NUMBL: variants seen among roughly 807,000 people sequenced by gnomAD.
NUMBL encodes NUMB like endocytic adaptor protein, also known as numb-like protein.
In NUMBL, 20 loss-of-function variants were observed where a neutral mutation model predicts 48.9. The ratio of observed to expected loss-of-function variants is 0.41; its 90% CI spans 0.29 to 0.59. The LOEUF is 0.59. Ranked by LOEUF, NUMBL falls within the 20% of genes least tolerant of loss-of-function variation. The pLI, the probability that NUMBL is intolerant of heterozygous loss-of-function variation, is 0.31. For synonymous variants in NUMBL, 340 were observed against 348.7 expected (o/e 0.98, Z 0.28); for missense variants, 660 against 846.2 (o/e 0.78, Z 2.73).
intron 6 of NUMBL, among the ~76,000 whole-genome samples, chr19:40,680,292 C>A (rs566786317): frequency 1.3e-5 from 2 of 151,790 alleles, no homozygotes; most frequent in Non-Finnish European, 2.9e-5. Context: ...GGATCACAGG[C>A]GCCTGCCACC....
intron 7 of NUMBL, among the ~76,000 whole-genome samples, chr19:40,677,021 G>A (rs2081879775): frequency 6.6e-6 from 1 of 152,016 alleles, no homozygotes. Context: ...ACCATGTCGC[G>A]CAGGCTGGTC....
intron 5 of NUMBL, 85 bp from the exon 6 acceptor site, chr19:40,681,142 C>G (rs1012053525): frequency 6.7e-7 from 1 of 1,483,076 alleles, no homozygotes; most frequent in African/African-American, 1.4e-5. Flanking sequence ...CTGCTGAAAT[C>G]CAGTCCTGAA....
At chr19:40,670,486 G>A (rs961877382) in intron 8 of NUMBL, among the ~76,000 whole-genome samples, 2 of 151,954 alleles carry the variant, frequency 1.3e-5, no homozygotes, top group African/African-American at 4.9e-5. Flanking sequence ...AACATCATGA[G>A]AGCAGAGATA....
intron 3 of NUMBL, among the ~76,000 whole-genome samples, chr19:40,683,343 GA>G (rs1206846540): frequency 6.6e-6 from 1 of 152,232 alleles, no homozygotes; most frequent in Non-Finnish European, 1.5e-5. Context: ...CACAATGACT[GA>G]AGGGAGTTAG....
rs578231978 is a variant in NUMBL at position 40,673,318 on chromosome 19, C to T, written c.1036+26G>A. The T allele has an allele frequency of 1.2e-5, 19 of 1,580,156 alleles. No homozygotes were observed. Among genetic ancestry groups the T allele is most frequent in the East Asian group, 4.5e-5 (2 of 44,356 alleles). On this transcript the variant is annotated intron_variant, in intron 8 of 9. Transcript: ENST00000252891. This position sits in a 1 kb window ranked among gnomAD's most constrained non-coding sequence, Gnocchi z 5.9. ...AGATAGTGCCAATTGATTCCAACGC[C>T]GTTTCCCACTGGGCCCAGGGCTCAC...
chr19:40,690,503 G>A lies in NUMBL; in HGVS notation c.-20C>T. 7.9e-7 allele frequency: 1 copy of A among 1,267,022 alleles called. No homozygotes were observed. The highest frequency in any genetic ancestry group is 2.8e-5 in the South Asian group (1 of 35,574). The allele number at this position is 1,267,022 out of a possible 1,614,324, so 78.5% of individuals were successfully genotyped here. On this transcript the variant is annotated 5_prime_UTR_variant, in exon 1 of 10. Transcript: ENST00000252891. ...GGACATCCAGGGCCCGGGCGCCCCC[G>A]CCTCCCGCGGCCCTGGCTGGGCCTG...
chr19:40,667,533 T>G lies in NUMBL; in HGVS notation c.1765A>C (p.Thr589Pro), dbSNP rs1046291169. The G allele has an allele frequency of 2.5e-6, 4 of 1,577,346 alleles. No individual in the cohort carries two copies. In the African/African-American group the frequency reaches 4.0e-5, roughly 16 times the overall value. ...AAGGGGTTGGAGGGTTTCTCTACAG[T>G]GGCTTTGCCTTCTAATGCCGCCCAC... ...AQWAALEGKATVEKPSNPFSG... is the reference protein window; with the variant it reads ...AQWAALEGKAPVEKPSNPFSG... The change falls in exon 10 of 10, where the codon ACT (threonine) becomes CCT (proline). Residue 589 changes from threonine (T) to proline (P), a missense_variant. This residue lies in a region of NUMBL where 296 missense variants were observed against 339.7 expected (regional missense o/e 0.87). Coordinates refer to ENST00000252891, the MANE Select transcript of NUMBL (RefSeq NM_004756.5). The surrounding 1 kb of genome is among the most constrained non-coding windows in gnomAD (Gnocchi z 6.1).
intron 3 of NUMBL, among the ~76,000 whole-genome samples, chr19:40,683,843 T>A (rs1568431479): frequency 6.6e-6 from 1 of 150,486 alleles, no homozygotes; most frequent in Non-Finnish European, 1.5e-5. Context: ...ATGGCACAAT[T>A]AAGGCTCACT....
chr19:40,686,918 C>A lies in NUMBL; in HGVS notation c.102G>T (p.Thr34=), dbSNP rs896233988. ...GAPGPPETCR[T]EPDGAGTMNK... is the part of the protein sequence containing the mutation. ...CCCAGGCTGGTCGCTCACCTGGCTC[C>A]GTCCTGCAGGTTTCTGGGGGCCCCG... Residue 34 remains threonine (T), a synonymous_variant, in exon 2 of 10, where the codon ACG becomes ACT. Coordinates refer to ENST00000252891, the MANE Select transcript of NUMBL (RefSeq NM_004756.5). 1.1e-5 allele frequency: 17 copies of A among 1,541,586 alleles called. No individual in the cohort carries two copies. The highest frequency in any genetic ancestry group is 1.5e-5 in the Non-Finnish European group (17 of 1,138,584).
Position 40,673,934 on chromosome 19 carries a change from A to G in NUMBL, c.731-285T>C, listed in dbSNP as rs966037664. Among the ~76,000 whole-genome samples the G allele has an allele frequency of 6.6e-5, 10 of 151,832 alleles. No individual in the cohort carries two copies. Among genetic ancestry groups the G allele is most frequent in the Admixed American group, 6.6e-5 (1 of 15,246 alleles). On this transcript the variant is annotated intron_variant, in intron 7 of 9. Transcript: ENST00000252891. The surrounding 1 kb of genome is among the most constrained non-coding windows in gnomAD (Gnocchi z 5.9). The stretch of plus-strand genomic sequence containing the variant: ...TGCTGCTCTCACCATTCTTCCCTCT[A>G]AGACCCTCTATCTCCCTTTTTGATC...
chr19:40,682,636 A>T lies in NUMBL; in HGVS notation c.399+92T>A. On this transcript the variant is annotated intron_variant, in intron 5 of 9. Coordinates refer to ENST00000252891, the MANE Select transcript of NUMBL (RefSeq NM_004756.5). The surrounding 1 kb of genome is among the most constrained non-coding windows in gnomAD (Gnocchi z 4.0). ...CGTCTAGAAGGTCCCTGAGGGAGGG[A>T]TGTGCAGAGGAGGCGGGAAGGTGTC... 8.8e-7 allele frequency: 1 copy of T among 1,136,616 alleles called. No homozygotes were observed. Among genetic ancestry groups the T allele is most frequent in the Non-Finnish European group, 1.3e-6 (1 of 773,286 alleles). The allele number at this position is 1,136,616 out of a possible 1,614,324, so 70.4% of individuals were successfully genotyped here. A position where few individuals can be genotyped will look rare whatever the true frequency, so the allele number is the denominator to read the frequency against.
Position 40,667,344 on chromosome 19 carries a change from G to A in NUMBL, c.*124C>T, listed in dbSNP as rs1377369935. The A allele has an allele frequency of 7.4e-7, 1 of 1,353,756 alleles. No homozygotes were observed. Among genetic ancestry groups the A allele is most frequent in the African/African-American group, 1.5e-5 (1 of 68,318 alleles). 83.9% of individuals were successfully genotyped at this position (1,353,756 alleles called of 1,614,324 possible). A position where few individuals can be genotyped will look rare whatever the true frequency, so the allele number is the denominator to read the frequency against. On this transcript the variant is annotated 3_prime_UTR_variant, in exon 10 of 10. Transcript: ENST00000252891. This position sits in a 1 kb window ranked among gnomAD's most constrained non-coding sequence, Gnocchi z 6.1. ...TGTAGTGGTTGTCGGGGTGGTTGAG[G>A]GAGGGGGGTGTTGAGAGGGTGTTGA...
At chr19:40,689,251 C>T (rs2081949725) in intron 1 of NUMBL, among the ~76,000 whole-genome samples, 1 of 152,034 alleles carries the variant, frequency 6.6e-6, no homozygotes, top group African/African-American at 2.4e-5. Context: ...AACACAGGGT[C>T]ACAAAAGACA....
chr19:40,683,576 T>G (rs994751755), intron 3 of NUMBL, among the ~76,000 whole-genome samples: 1 of 152,196 alleles, frequency 6.6e-6, no homozygotes, highest in Non-Finnish European at 1.5e-5. Context: ...GGAGGGGCTG[T>G]GACCATGGTC....
rs1438063435 is a variant in NUMBL, at chr19:40,673,161, G to A, written c.1036+183C>T. On this transcript the variant is annotated intron_variant, in intron 8 of 9. Transcript: ENST00000252891. This position sits in a 1 kb window ranked among gnomAD's most constrained non-coding sequence, Gnocchi z 5.9. ...ACACGGCTTATCAATCCTGATTTGT[G>A]CTATCTCTTTCCTCTCCCTTGCCCA... is the stretch of plus-strand genomic sequence containing the variant. Among the ~76,000 whole-genome samples, 1 of 152,084 alleles carries A rather than the reference G, an allele frequency of 6.6e-6. No individual in the cohort carries two copies. The highest frequency in any genetic ancestry group is 1.5e-5 in the Non-Finnish European group (1 of 68,016).
Position 40,682,932 on chromosome 19 carries a change from T to C in NUMBL, c.286A>G (p.Met96Val). The C allele has an allele frequency of 6.2e-7, 1 of 1,609,684 alleles. No individual in the cohort carries two copies. Among genetic ancestry groups the C allele is most frequent in the Non-Finnish European group, 8.5e-7 (1 of 1,178,116 alleles). Residue 96 changes from methionine to valine, a missense_variant, in exon 4 of 10, where the codon ATG becomes GTG. By Grantham distance (21) the Met-to-Val change is conservative. Coordinates refer to ENST00000252891, the MANE Select transcript of NUMBL (RefSeq NM_004756.5). This position sits in a 1 kb window ranked among gnomAD's most constrained non-coding sequence, Gnocchi z 4.0. ...TTCACCGCATCTTCACACACGTGCATTCCCCGGGACTCCTCTACCTCCACG... is the reference window on the plus strand; with the variant it reads ...TTCACCGCATCTTCACACACGTGCACTCCCCGGGACTCCTCTACCTCCACG... Reference protein sequence around the residue: ...GHVEVEESRGMHVCEDAVKKL... With the variant: ...GHVEVEESRGVHVCEDAVKKL...
At chr19:40,677,151 C>T (rs962861781) in intron 7 of NUMBL, 81 bp downstream of exon 7, 8 of 1,426,794 alleles carry the variant, frequency 5.6e-6, no homozygotes, top group African/African-American at 1.4e-5. Context: ...TGAGTCTCTG[C>T]ACCTCTGCAG....
At position 40,677,277 on chromosome 19, in the gene NUMBL, C is replaced by G; in HGVS notation, c.685G>C (p.Gly229Arg). 1.2e-6 allele frequency: 2 copies of G among 1,601,184 alleles called. No homozygotes were observed. The highest frequency in any genetic ancestry group is 1.7e-6 in the Non-Finnish European group (2 of 1,174,630). Residue 229 changes from glycine (G) to arginine (R), a missense_variant, in exon 7 of 10, where the codon GGG becomes CGG. Gly to Arg is a moderately radical substitution (Grantham distance 125). Around this residue, in one of 3 missense-constraint regions of NUMBL, gnomAD observed 278 missense variants for 420.6 expected, o/e 0.66. Transcript: ENST00000252891. ...TCTCGCTCAGCAGGCCGCCCACCCC[C>G]AGACAGGCGGAAGGAGCCCTCGCGG... is the stretch of plus-strand genomic sequence containing the variant. ...FAREGSFRLS[G>R]GGRPAEREAP...
At position 40,673,503 on chromosome 19, in the gene NUMBL, G is replaced by A; in HGVS notation, c.877C>T (p.Arg293Cys). Reference protein sequence around the residue: ...AGTTAAAIPRRHAPLEQLVRQ... With the variant: ...AGTTAAAIPRCHAPLEQLVRQ... ...ACCAGCTGCTCCAGGGGTGCATGGC[G>A]CCGGGGGATGGCGGCCGCAGTGGTG... The change falls in exon 8 of 10, where the codon CGC becomes TGC. Residue 293 changes from arginine (R) to cysteine (C), a missense_variant. Arg to Cys is a radical substitution (Grantham distance 180). Coordinates refer to ENST00000252891, the MANE Select transcript of NUMBL (RefSeq NM_004756.5). This position sits in a 1 kb window ranked among gnomAD's most constrained non-coding sequence, Gnocchi z 5.9. The A allele has an allele frequency of 1.3e-6, 2 of 1,580,440 alleles. No homozygotes were observed. Among genetic ancestry groups the A allele is most frequent in the Non-Finnish European group, 1.7e-6 (2 of 1,163,546 alleles).
Sources: gnomAD v4.1 joint callset for allele counts (sites outside exome capture counted in the v4.1 genomes callset) on GRCh38, gnomAD v4.1.1 for gene constraint, gnomAD v4.1.1 regional missense constraint, Gnocchi (gnomAD v3.1) non-coding constraint, MANE v1.5 for transcripts, NCBI Gene and HGNC (gene_info 2026-07-23, HGNC 2026-07-21) for gene names.